Variants in DGKZ observed in about 807,000 individuals in gnomAD.
DGKZ encodes the protein diacylglycerol kinase zeta.
DGKZ carries 45 observed loss-of-function variants against 142.5 expected under a neutral mutation model. The ratio of observed to expected loss-of-function variants is 0.32; its 90% confidence interval spans 0.25 to 0.40. The LOEUF is 0.40. DGKZ is among the 10% of genes least tolerant of loss of function. The probability of loss-of-function intolerance (pLI) is 1.00; values close to 1 mark genes in which losing one functional copy is unlikely to be tolerated. For missense variants in DGKZ, 755 were observed against 1,306.5 expected (o/e 0.58, Z 6.51); for synonymous variants, 442 against 527.0 (o/e 0.84, Z 2.21).
intron 1 of DGKZ, chr11:46,364,748 C>T (rs1319963638): frequency 6.1e-6 from 6 of 985,332 alleles, no homozygotes; most frequent in Non-Finnish European, 6.0e-6. Context: ...AGCCCTTCAT[C>T]TTTGCCTTCA....
chr11:46,378,379 G>A (rs1366349594), intron 26 of DGKZ, 78 bp from the exon 27 acceptor site: 48 of 1,546,820 alleles, frequency 3.1e-5, no homozygotes, highest in Non-Finnish European at 3.8e-5. Flanking sequence ...ATGCCTGGCC[G>A]GCACAGTCCT....
chr11:46,336,894 G>A (rs1050267544), intron 1 of DGKZ, among the ~76,000 whole-genome samples: 6 of 152,104 alleles, frequency 3.9e-5, no homozygotes, highest in East Asian at 1.9e-4. Flanking sequence ...GGTTGCATGC[G>A]TCTGTAGTCC....
chr11:46,378,948 G>T (rs745933618), intron 27 of DGKZ, 43 bp from the exon 28 acceptor site: 2 of 1,505,050 alleles, frequency 1.3e-6, no homozygotes, highest in South Asian at 1.3e-5. Flanking sequence ...GGAAGGAGGG[G>T]TGGCCCCAGG....
In DGKZ at chr11:46,372,161, G is replaced by C. The variant is rs755276113; in HGVS notation, c.918G>C (p.Gly306=). ...TGGTGTTTGTGAACCCCAAGAGTGGGGGCAACCAGGTGAACGCGGCCTTGC... is the reference window on the plus strand; with the variant it reads ...TGGTGTTTGTGAACCCCAAGAGTGGCGGCAACCAGGTGAACGCGGCCTTGC... The change falls in exon 10 of 31, where the codon GGG becomes GGC. Residue 306 remains glycine (G), a synonymous_variant. Transcript: ENST00000527911. This position sits in a 1 kb window ranked among gnomAD's most constrained non-coding sequence, Gnocchi z 5.9. 4 of 1,607,228 alleles carry C rather than the reference G, an allele frequency of 2.5e-6. No homozygotes were observed. The highest frequency in any genetic ancestry group is 1.7e-6 in the Non-Finnish European group (2 of 1,176,088).
Position 46,374,695 on chromosome 11 carries a change from G to A in DGKZ, c.1524+29G>A, listed in dbSNP as rs1285295722. 3 of 1,607,122 alleles carry A rather than the reference G, an allele frequency of 1.9e-6. No individual in the cohort carries two copies. In the Admixed American group the frequency reaches 5.0e-5, roughly 27 times the overall value. On this transcript the variant is annotated intron_variant, in intron 17 of 30. Transcript: ENST00000527911. ...AGCGGGGCCAGGCTGCCGTGGGTGGGTGGGCCGGAAGGGAGGGAGGCGGAG... is the reference window on the plus strand; with the variant it reads ...AGCGGGGCCAGGCTGCCGTGGGTGGATGGGCCGGAAGGGAGGGAGGCGGAG...
rs767966196 is a variant in DGKZ at position 46,372,699 on chromosome 11, G to T, written c.1071+22G>T. On this transcript the variant is annotated intron_variant, in intron 12 of 30. Coordinates refer to ENST00000527911, the Ensembl canonical transcript of DGKZ. The surrounding 1 kb of genome is among the most constrained non-coding windows in gnomAD (Gnocchi z 5.9). Reference sequence around the variant, plus strand: ...CACGGTGAGCTCCCCGCATGGGCCAGCCGAGCACCAGGGCTGGGCCTGAAG... The same window carrying T: ...CACGGTGAGCTCCCCGCATGGGCCATCCGAGCACCAGGGCTGGGCCTGAAG... The T allele has an allele frequency of 1.2e-6, 2 of 1,612,746 alleles. No homozygotes were observed. The highest frequency in any genetic ancestry group is 1.7e-6 in the Non-Finnish European group (2 of 1,179,680).
At chr11:46,351,418 A>G (rs1230905100) in intron 1 of DGKZ, among the ~76,000 whole-genome samples, 1 of 152,212 alleles carries the variant, frequency 6.6e-6, no homozygotes, top group Non-Finnish European at 1.5e-5. Flanking sequence ...GGTCCCATTT[A>G]GAGGCACTGC....
At chr11:46,366,449 G>A in intron 1 of DGKZ, 1 of 1,554,956 alleles carries the variant, frequency 6.4e-7, no homozygotes, top group Non-Finnish European at 8.7e-7. Context: ...GAGTTGCGGG[G>A]TGAGGGCCCA....
At chr11:46,373,215 C>T (rs1447560088) in intron 14 of DGKZ, 114 bp downstream of exon 14, 6 of 1,221,190 alleles carry the variant, frequency 4.9e-6, no homozygotes, top group Non-Finnish European at 6.6e-6. Context: ...CCAACTTCCA[C>T]TTCTTCCTTG....
intron 1 of DGKZ, among the ~76,000 whole-genome samples, chr11:46,335,527 T>A (rs1032840358): frequency 2.0e-5 from 3 of 151,956 alleles, no homozygotes; most frequent in African/African-American, 7.3e-5. Context: ...CCAAACAACT[T>A]GGGGCCTGTA....
upstream of DGKZ, chr11:46,345,488 G>A: frequency 1.3e-6 from 2 of 1,510,782 alleles, no homozygotes; most frequent in Non-Finnish European, 1.8e-6. The surrounding 1 kb of genome is among the most constrained non-coding windows in gnomAD (Gnocchi z 4.1). Context: ...GGAGGCGCTG[G>A]GGACGGAAGA....
Position 46,369,725 on chromosome 11 carries a change from G to A in DGKZ, c.501+175G>A, listed in dbSNP as rs540738165. Reference sequence around the variant, plus strand: ...ACTAGCGCTGCCTGCGGAGTGGGTGGGACAGCTTGTGCCTCCTGGTGCTTC... The same window carrying A: ...ACTAGCGCTGCCTGCGGAGTGGGTGAGACAGCTTGTGCCTCCTGGTGCTTC... On this transcript the variant is annotated intron_variant, in intron 5 of 30. Coordinates refer to ENST00000527911, the Ensembl canonical transcript of DGKZ. 17 of 957,498 alleles carry A rather than the reference G, an allele frequency of 1.8e-5. No homozygotes were observed. In the South Asian group the frequency reaches 2.7e-4, roughly 15 times the overall value. 59.3% of individuals were successfully genotyped at this position (957,498 alleles called of 1,614,324 possible).
rs1254408532 is a variant in DGKZ, at chr11:46,367,569, T to C, written c.271-83T>C. On this transcript the variant is annotated intron_variant, in intron 2 of 30. Transcript: ENST00000527911. The surrounding 1 kb of genome is among the most constrained non-coding windows in gnomAD (Gnocchi z 4.1). ...TCGGGGCGCTGGAGTGGGTTTGTCT[T>C]GGGAGAGGGCGGGTGGGCGGGGGCT... 6 of 542,044 alleles carry C rather than the reference T, an allele frequency of 1.1e-5. No individual in the cohort carries two copies. In the African/African-American group the frequency reaches 4.1e-4, roughly 37 times the overall value. The allele number at this position is 542,044 out of a possible 1,614,324, so 33.6% of individuals were successfully genotyped here. A position where few individuals can be genotyped will look rare whatever the true frequency, so the allele number is the denominator to read the frequency against.
intron 1 of DGKZ, among the ~76,000 whole-genome samples, chr11:46,354,161 AG>A (rs568202479): frequency 7.2e-5 from 11 of 152,160 alleles, no homozygotes; most frequent in Non-Finnish European, 1.6e-4. Context: ...TGGTAGACCC[AG>A]GGAGCTCTAG....
chr11:46,355,533 A>G (rs1387899688), intron 1 of DGKZ, among the ~76,000 whole-genome samples: 24 of 152,224 alleles, frequency 1.6e-4, no homozygotes, highest in African/African-American at 4.6e-4. Flanking sequence ...TTATCAGATC[A>G]GGAAACTGAG....
In DGKZ at chr11:46,375,642, C is replaced by T. The variant is rs370635034; in HGVS notation, c.1910+11C>T. 14 of 1,547,762 alleles carry T rather than the reference C, an allele frequency of 9.0e-6. No individual in the cohort carries two copies. The African/African-American group carries it at 1.4e-4, about 15-fold the overall frequency. On this transcript the variant is annotated intron_variant, in intron 20 of 30. Transcript: ENST00000527911. ...CCCCCTGCACAGCGAGTACGTCCCACCCTGCCACGTGCCCTGGGTGCCAAG... is the reference window on the plus strand; with the variant it reads ...CCCCCTGCACAGCGAGTACGTCCCATCCTGCCACGTGCCCTGGGTGCCAAG...
chr11:46,346,000 T>C (rs544279383), upstream of DGKZ, among the ~76,000 whole-genome samples: 1 of 152,304 alleles, frequency 6.6e-6, no homozygotes, highest in African/African-American at 2.4e-5. The surrounding 1 kb of genome is among the most constrained non-coding windows in gnomAD (Gnocchi z 4.1). Flanking sequence ...CAGAGGCCAG[T>C]TGTCAGGCAT....
chr11:46,345,698 T>C, upstream of DGKZ: 1 of 1,093,230 alleles, frequency 9.1e-7, no homozygotes, highest in Non-Finnish European at 1.3e-6. The surrounding 1 kb of genome is among the most constrained non-coding windows in gnomAD (Gnocchi z 4.1). Flanking sequence ...TCCAGCACTC[T>C]GCAGAGGCAC....
intron 1 of DGKZ, among the ~76,000 whole-genome samples, chr11:46,364,141 A>G (rs558023354): frequency 6.6e-6 from 1 of 152,330 alleles, no homozygotes; most frequent in East Asian, 1.9e-4. Flanking sequence ...TCCAGGAGGA[A>G]GGACCCTGCA....
Sources: gnomAD v4.1 joint callset for allele counts (sites outside exome capture counted in the v4.1 genomes callset) on GRCh38, gnomAD v4.1.1 for gene constraint, Gnocchi (gnomAD v3.1) non-coding constraint, MANE v1.5 for transcripts, NCBI Gene and HGNC (gene_info 2026-07-23, HGNC 2026-07-21) for gene names.